The following MALRD1 variants were observed in gnomAD, a reference collection of about 807,000 sequenced individuals.
MALRD1 encodes MAM and LDL receptor class A domain containing 1.
A neutral mutation model predicts 242.1 loss-of-function variants in MALRD1; 247 were observed. That is an observed-to-expected ratio of 1.02 (90% CI 0.92 to 1.13). The LOEUF is 1.13. Among genes scored for constraint, MALRD1 ranks in the 50% most tolerant of loss-of-function variants. MALRD1 has a pLI of 0.00. For synonymous variants in MALRD1, 995 were observed against 866.6 expected, an observed-to-expected ratio of 1.15 and a Z score of -2.60; for missense variants, 2,989 against 2,533.1, an observed-to-expected ratio of 1.18 and a Z score of -3.86.
rs1200620948 is a variant in MALRD1 at position 19,387,601 on chromosome 10, A to G, written c.4515A>G (p.Val1505=). 1 of 1,550,444 alleles carries G rather than the reference A, an allele frequency of 6.4e-7. No homozygotes were observed. Among genetic ancestry groups the G allele is most frequent in the Non-Finnish European group, 8.7e-7 (1 of 1,146,888 alleles). ...GGCTGGAACAAAGCTGTAACTTCGTAGATAACTGTGGAGATAATACTGATG... is the reference window on the plus strand; with the variant it reads ...GGCTGGAACAAAGCTGTAACTTCGTGGATAACTGTGGAGATAATACTGATG... ...CYRLEQSCNF[V]DNCGDNTDEN... Residue 1505 remains valine (V), a synonymous_variant, in exon 27 of 40, where the codon GTA becomes GTG. Transcript: ENST00000454679.
intron 36 of MALRD1, among the ~76,000 whole-genome samples, chr10:19,637,601 T>C (rs370835541): frequency 9.2e-5 from 14 of 152,086 alleles, no homozygotes; most frequent in East Asian, 7.7e-4. Flanking sequence ...AAATTATTTT[T>C]GGAGAGGTTA....
In MALRD1 at chr10:19,176,177, ATTCCTAAGTTATAT is replaced by A. The variant is rs1294420479; in HGVS notation, c.1951+850_1951+863del. 5.9e-5 allele frequency among the ~76,000 whole-genome samples: 9 copies of A among 152,118 alleles called. No homozygotes were observed. In the East Asian group the frequency reaches 7.8e-4, roughly 13 times the overall value. ...CATATGAAAATCAGACATACTGTAT[ATTCCTAAGTTATAT>A]ATACTTAAACAACATATTTAGTGAG... is the stretch of plus-strand genomic sequence containing the variant. On this transcript the variant is annotated intron_variant, in intron 14 of 39. Coordinates refer to ENST00000454679, the MANE Select transcript of MALRD1 (RefSeq NM_001142308.3).
At chr10:19,439,347 A>G (rs1834504656) in intron 28 of MALRD1, among the ~76,000 whole-genome samples, 1 of 152,088 alleles carries the variant, frequency 6.6e-6, no homozygotes. Flanking sequence ...CCTGGGCAAC[A>G]TAGTAAGGCC....
At chr10:19,162,412 A>G (rs529124902) in intron 12 of MALRD1, among the ~76,000 whole-genome samples, 1 of 152,288 alleles carries the variant, frequency 6.6e-6, no homozygotes, top group African/African-American at 2.4e-5. Context: ...CTTAGAAAAT[A>G]CAAATTACTA....
At chr10:19,108,336 T>C (rs915808846) in intron 5 of MALRD1, among the ~76,000 whole-genome samples, 4 of 150,506 alleles carry the variant, frequency 2.7e-5, no homozygotes, top group Non-Finnish European at 5.9e-5. Flanking sequence ...TTCTGTCTTA[T>C]AAATGATATC....
At chr10:19,321,326 T>A (rs78314609) in intron 21 of MALRD1, among the ~76,000 whole-genome samples, 9,055 of 152,220 alleles carry the variant, frequency 0.059, 561 homozygotes, top group African/African-American at 0.16. Flanking sequence ...ATTTGTTTGA[T>A]AATTCACACA....
intron 18 of MALRD1, among the ~76,000 whole-genome samples, chr10:19,253,645 C>A (rs1000007395): frequency 6.6e-5 from 10 of 151,908 alleles, no homozygotes; most frequent in African/African-American, 2.4e-4. Flanking sequence ...CATAAGTGGA[C>A]CAAGGCAGTT....
rs1366364870 is a variant in MALRD1, at chr10:19,101,691, A to T, written c.598-2288A>T. Among the ~76,000 whole-genome samples, 3 of 135,818 alleles carry T rather than the reference A, an allele frequency of 2.2e-5. No homozygotes were observed. The East Asian group carries it at 6.3e-4, about 28-fold the overall frequency. 89.1% of individuals were successfully genotyped at this position (135,818 alleles called of 152,430 possible). ...TATGTATATAAGATATAGGTATATT[A>T]TACATATATGTATATATAATATATA... On this transcript the variant is annotated intron_variant, in intron 4 of 39. Coordinates refer to ENST00000454679, the MANE Select transcript of MALRD1 (RefSeq NM_001142308.3).
chr10:19,271,445 C>G (rs1158099025), intron 19 of MALRD1, among the ~76,000 whole-genome samples: 1 of 152,192 alleles, frequency 6.6e-6, no homozygotes, highest in African/African-American at 2.4e-5. Context: ...CTGATGTTTA[C>G]TATATTCTGT....
chr10:19,305,571 A>G (rs2131969700), intron 21 of MALRD1, among the ~76,000 whole-genome samples: 1 of 151,168 alleles, frequency 6.6e-6, no homozygotes, highest in Non-Finnish European at 1.5e-5. Flanking sequence ...TCTATGGGCA[A>G]TTATTGGGCA....
chr10:19,521,129 T>C (rs1189213931), intron 31 of MALRD1, among the ~76,000 whole-genome samples: 1 of 151,106 alleles, frequency 6.6e-6, no homozygotes, highest in Non-Finnish European at 1.5e-5. Context: ...AGACTCTGAA[T>C]ATGTAATCTG....
chr10:19,632,128 G>A (rs1362978390), intron 36 of MALRD1, among the ~76,000 whole-genome samples: 1 of 152,164 alleles, frequency 6.6e-6, no homozygotes, highest in Non-Finnish European at 1.5e-5. Flanking sequence ...CAGAAAACTA[G>A]CAGCAGTAGA....
At chr10:19,588,015 C>T (rs1275455116) in intron 33 of MALRD1, among the ~76,000 whole-genome samples, 3 of 150,992 alleles carry the variant, frequency 2.0e-5, no homozygotes, top group Non-Finnish European at 4.4e-5. Context: ...GTATATACAA[C>T]ATCATCTGCA....
intron 19 of MALRD1, among the ~76,000 whole-genome samples, chr10:19,267,902 G>C (rs561803358): frequency 2.3e-4 from 35 of 152,106 alleles, no homozygotes; most frequent in African/African-American, 7.5e-4. Context: ...AATTGATTTA[G>C]CATATATATA....
At chr10:19,460,771 A>G (rs2131093635) in intron 29 of MALRD1, among the ~76,000 whole-genome samples, 1 of 152,304 alleles carries the variant, frequency 6.6e-6, no homozygotes, top group Non-Finnish European at 1.5e-5. Flanking sequence ...TTTGAAGGCA[A>G]GAGCAAATTA....
At chr10:19,326,318 A>C (rs796474988) in intron 22 of MALRD1, among the ~76,000 whole-genome samples, 1 of 152,242 alleles carries the variant, frequency 6.6e-6, no homozygotes, top group African/African-American at 2.4e-5. Context: ...TTTCAGTATA[A>C]AACTTGGTAT....
chr10:19,362,830 A>T (rs1844948139), intron 26 of MALRD1, among the ~76,000 whole-genome samples: 1 of 152,170 alleles, frequency 6.6e-6, no homozygotes, highest in Non-Finnish European at 1.5e-5. Flanking sequence ...CGTTGAAGTT[A>T]TGCAAGCAAG....
chr10:19,572,536 T>C lies in MALRD1; in HGVS notation c.5680+4833T>C, dbSNP rs571365639. 2.0e-5 allele frequency among the ~76,000 whole-genome samples: 3 copies of C among 152,280 alleles called. No homozygotes were observed. In the East Asian group the frequency reaches 5.8e-4, roughly 29 times the overall value. ...ACACAACCCTATGGAGATTGCACCATAGCTAGGAAGTGGATTATTTCCATA... is the reference window on the plus strand; with the variant it reads ...ACACAACCCTATGGAGATTGCACCACAGCTAGGAAGTGGATTATTTCCATA... On this transcript the variant is annotated intron_variant, in intron 33 of 39. Coordinates refer to ENST00000454679, the MANE Select transcript of MALRD1 (RefSeq NM_001142308.3).
rs1285572917 is a variant in MALRD1, at chr10:19,171,422, TTATATACATATA to T, written c.1831-3779_1831-3768del. ...GGAATTGGTCACAACATTTTATATT[TTATATACATATA>T]TATATATATATATATATATATATAC... On this transcript the variant is annotated intron_variant, in intron 13 of 39. Transcript: ENST00000454679. Among the ~76,000 whole-genome samples the T allele has an allele frequency of 2.1e-3, 76 of 36,264 alleles. 5 individuals are homozygous for T. Among genetic ancestry groups the T allele is most frequent in the East Asian group, 0.012 (17 of 1,472 alleles). The allele number at this position is 36,264 out of a possible 152,430, so 23.8% of individuals were successfully genotyped here. A position where few individuals can be genotyped will look rare whatever the true frequency, so the allele number is the denominator to read the frequency against.
Sources: gnomAD v4.1 joint callset for allele counts (sites outside exome capture counted in the v4.1 genomes callset) on GRCh38, gnomAD v4.1.1 for gene constraint, MANE v1.5 for transcripts, NCBI Gene and HGNC (gene_info 2026-07-23, HGNC 2026-07-21) for gene names.